NEGR1: variants seen among roughly 807,000 people sequenced by gnomAD.
The protein encoded by NEGR1 is IgLON family member 4.
A neutral mutation model predicts 40.9 loss-of-function variants in NEGR1; 10 were observed. The observed-to-expected ratio is 0.24, with a 90% CI of 0.15 to 0.42. The LOEUF (loss-of-function observed/expected upper bound fraction) is 0.42, where lower values mean the gene tolerates loss of function less well. Ranked by LOEUF, NEGR1 falls within the 10% of genes least tolerant of loss-of-function variation. The pLI is 1.00. For missense variants in NEGR1, 352 were observed against 438.9 expected (o/e 0.80, Z 1.77); for synonymous variants, 185 against 166.8 (o/e 1.11, Z -0.84).
intron 6 of NEGR1, among the ~76,000 whole-genome samples, chr1:71,474,517 T>TACAGACAC (rs1646805826): frequency 8.7e-6 from 1 of 115,444 alleles, no homozygotes; most frequent in Non-Finnish European, 1.7e-5. Flanking sequence ...CTACTAACAA[T>TACAGACAC]ACACACACAC....
At chr1:72,095,703 A>C (rs1488877065) in intron 1 of NEGR1, among the ~76,000 whole-genome samples, 1 of 152,096 alleles carries the variant, frequency 6.6e-6, no homozygotes, top group African/African-American at 2.4e-5. Flanking sequence ...ATTCTCTATT[A>C]TTTCAATTAT....
intron 6 of NEGR1, among the ~76,000 whole-genome samples, chr1:71,426,550 AAC>A (rs1646429906): frequency 6.6e-6 from 1 of 152,188 alleles, no homozygotes; most frequent in African/African-American, 2.4e-5. Flanking sequence ...ATCATATTAA[AAC>A]AGTCTTCCCA....
At chr1:72,110,945 GA>G (rs1002431224) in intron 1 of NEGR1, among the ~76,000 whole-genome samples, 4 of 151,242 alleles carry the variant, frequency 2.6e-5, no homozygotes, top group Non-Finnish European at 5.9e-5. Context: ...AAAACAAATT[GA>G]AAAAAAGAAT....
intron 6 of NEGR1, chr1:71,477,059 A>T (rs1646826079): frequency 6.6e-6 from 1 of 152,134 alleles, no homozygotes; most frequent in Non-Finnish European, 1.5e-5. Flanking sequence ...TTATACACTT[A>T]ATATGTACAT....
intron 2 of NEGR1, among the ~76,000 whole-genome samples, chr1:71,805,727 G>C (rs1465481280): frequency 6.6e-6 from 1 of 152,158 alleles, no homozygotes. Flanking sequence ...CTTGCCTGCT[G>C]TAATGTAAAA....
intron 1 of NEGR1, among the ~76,000 whole-genome samples, chr1:72,141,695 T>C (rs760248737): frequency 1.8e-4 from 27 of 152,038 alleles, no homozygotes; most frequent in Non-Finnish European, 3.7e-4. Flanking sequence ...AACAGGTAAA[T>C]ACACCTCTAT....
At chr1:71,796,839 G>A (rs1283888822) in intron 2 of NEGR1, among the ~76,000 whole-genome samples, 2 of 152,094 alleles carry the variant, frequency 1.3e-5, no homozygotes, top group Non-Finnish European at 2.9e-5. Flanking sequence ...ATTCACTTCC[G>A]GAGGAGTTGA....
rs187349831 is a variant in NEGR1 at position 72,246,041 on chromosome 1, T to C, written c.176+36278A>G. On this transcript the variant is annotated intron_variant, in intron 1 of 6. Transcript: ENST00000357731. ...AGTATTTGTCTTCTCTTGAATTTTT[T>C]GAGTTCCATTGTTAGAATGAGTTGA... 4.7e-3 allele frequency among the ~76,000 whole-genome samples: 720 copies of C among 152,310 alleles called. 6 individuals carry two copies. Among genetic ancestry groups the C allele is most frequent in the African/African-American group, 0.017 (696 of 41,572 alleles).
At chr1:71,529,420 T>G (rs190038523) in intron 6 of NEGR1, among the ~76,000 whole-genome samples, 2 of 151,250 alleles carry the variant, frequency 1.3e-5, no homozygotes, top group East Asian at 3.9e-4. Flanking sequence ...ATTGCAGGGA[T>G]CAAGGTCACA....
At chr1:71,477,431 A>G (rs1488561640) in intron 6 of NEGR1, 2 of 152,146 alleles carry the variant, frequency 1.3e-5, no homozygotes, top group Non-Finnish European at 2.9e-5. Flanking sequence ...ATTGTCTCCC[A>G]TGAGACTGCT....
intron 2 of NEGR1, among the ~76,000 whole-genome samples, chr1:71,845,630 A>G (rs1659378569): frequency 6.6e-6 from 1 of 152,196 alleles, no homozygotes; most frequent in African/African-American, 2.4e-5. Flanking sequence ...TACTCTTCTT[A>G]TCTCCACTTT....
chr1:71,888,173 G>C (rs1219612102), intron 2 of NEGR1, among the ~76,000 whole-genome samples: 1 of 152,064 alleles, frequency 6.6e-6, no homozygotes. Context: ...TCTCTGAATA[G>C]AAAAAGAAAC....
chr1:72,277,177 A>G (rs1656079386), intron 1 of NEGR1, among the ~76,000 whole-genome samples: 1 of 152,164 alleles, frequency 6.6e-6, no homozygotes, highest in South Asian at 2.1e-4. Flanking sequence ...ATACTTGGCA[A>G]GGAAGACTGG....
At chr1:71,963,574 T>G (rs1646185960) in intron 1 of NEGR1, among the ~76,000 whole-genome samples, 1 of 152,194 alleles carries the variant, frequency 6.6e-6, no homozygotes, top group Non-Finnish European at 1.5e-5. Context: ...AATGTCATGT[T>G]AAGTAACACT....
intron 4 of NEGR1, among the ~76,000 whole-genome samples, chr1:71,637,475 GT>G (rs1248107324): frequency 1.3e-5 from 2 of 151,892 alleles, no homozygotes; most frequent in African/African-American, 4.8e-5. Context: ...ATTATTTTAT[GT>G]ATATAATTTG....
At chr1:71,690,374 T>C (rs1653214043) in intron 4 of NEGR1, among the ~76,000 whole-genome samples, 1 of 151,834 alleles carries the variant, frequency 6.6e-6, no homozygotes, top group Non-Finnish European at 1.5e-5. Flanking sequence ...AAGCTGGATT[T>C]AGATAAATAC....
chr1:71,913,312 G>A (rs144247836), intron 2 of NEGR1, among the ~76,000 whole-genome samples: 1 of 151,904 alleles, frequency 6.6e-6, no homozygotes, highest in Non-Finnish European at 1.5e-5. Context: ...ATGGGGTTCC[G>A]CCATGTTGGC....
chr1:71,638,726 C>G (rs1366778837), intron 4 of NEGR1, among the ~76,000 whole-genome samples: 1 of 151,838 alleles, frequency 6.6e-6, no homozygotes. Flanking sequence ...GATAGTAAAC[C>G]TTTGCATTTA....
At chr1:71,654,756 A>G (rs967525001) in intron 4 of NEGR1, among the ~76,000 whole-genome samples, 3 of 152,226 alleles carry the variant, frequency 2.0e-5, no homozygotes, top group African/African-American at 7.2e-5. Flanking sequence ...TTTTAAAACA[A>G]GTGGATACAT....
Sources: gnomAD v4.1 joint callset for allele counts (sites outside exome capture counted in the v4.1 genomes callset) on GRCh38, gnomAD v4.1.1 for gene constraint, MANE v1.5 for transcripts, NCBI Gene and HGNC (gene_info 2026-07-23, HGNC 2026-07-21) for gene names.